Variants in PCDHGA12 observed in about 807,000 individuals in gnomAD.
The protein encoded by PCDHGA12 is protocadherin gamma-A12.
Under a neutral mutation model 61.1 loss-of-function variants are expected in PCDHGA12, and 43 were observed. The ratio of observed to expected loss-of-function variants is 0.70; its 90% CI spans 0.55 to 0.91. The LOEUF is 0.91. Ranked by LOEUF, PCDHGA12 falls within the 40% of genes least tolerant of loss-of-function variation. The pLI is 0.00. For synonymous variants in PCDHGA12, 520 were observed against 542.9 expected (o/e 0.96, Z 0.59); for missense variants, 1,236 against 1,227.7 (o/e 1.01, Z -0.10).
Position 141,432,736 on chromosome 5 carries a change from G to T in PCDHGA12, c.1977G>T (p.Thr659=). Residue 659 remains threonine (T), a synonymous_variant, in exon 1 of 4, where the codon ACG becomes ACT. Transcript: ENST00000252085. The surrounding 1 kb of genome is among the most constrained non-coding windows in gnomAD (Gnocchi z 6.0). ...AGCCCCCTCTCTCCGCCACTGTCACGCTCACCGTGGCCGTGGCCGACAGCA... is the reference window on the plus strand; with the variant it reads ...AGCCCCCTCTCTCCGCCACTGTCACTCTCACCGTGGCCGTGGCCGACAGCA... The part of the protein sequence containing the change: ...HGQPPLSATV[T]LTVAVADSIP... The T allele has an allele frequency of 6.2e-7, 1 of 1,614,058 alleles. No individual in the cohort carries two copies. The highest frequency in any genetic ancestry group is 8.5e-7 in the Non-Finnish European group (1 of 1,179,980).
chr5:141,475,486 T>G (rs576743657), intron 1 of PCDHGA12, among the ~76,000 whole-genome samples: 1 of 152,252 alleles, frequency 6.6e-6, no homozygotes, highest in Non-Finnish European at 1.5e-5. Flanking sequence ...TGGTAAGAGA[T>G]AAAACTGAAA....
rs575738328 is a variant in PCDHGA12, at chr5:141,433,123, C to G, written c.2364C>G (p.Ser788Arg). The G allele has an allele frequency of 3.7e-6, 6 of 1,614,116 alleles. No homozygotes were observed. Among genetic ancestry groups the G allele is most frequent in the Non-Finnish European group, 5.1e-6 (6 of 1,179,998 alleles). Residue 788 changes from serine to arginine, a missense_variant, in exon 1 of 4, where the codon AGC (serine) becomes AGG (arginine). Ser to Arg is a moderately radical substitution (Grantham distance 110). Transcript: ENST00000252085. ...TCAGCCAGGAGAGCTTTGAAAAAAGCGAGCCCCTTTTGCTGTCAGGTGATT... is the reference window on the plus strand; with the variant it reads ...TCAGCCAGGAGAGCTTTGAAAAAAGGGAGCCCCTTTTGCTGTCAGGTGATT... ...MLVSQESFEK[S>R]EPLLLSGDSV...
At chr5:141,481,607 C>A (rs2099540195) in intron 1 of PCDHGA12, among the ~76,000 whole-genome samples, 1 of 152,158 alleles carries the variant, frequency 6.6e-6, no homozygotes, top group Admixed American at 6.5e-5. Flanking sequence ...CACCTGAGGC[C>A]AGGAGTTCAA....
At chr5:141,466,180 A>AT (rs922532578) in intron 1 of PCDHGA12, among the ~76,000 whole-genome samples, 11 of 151,256 alleles carry the variant, frequency 7.3e-5, no homozygotes, top group South Asian at 2.1e-4. Context: ...TTTTATTTTT[A>AT]TTTTTTTTCA....
intron 1 of PCDHGA12, among the ~76,000 whole-genome samples, chr5:141,457,319 G>A (rs914658873): frequency 7.9e-5 from 12 of 152,086 alleles, no homozygotes; most frequent in East Asian, 3.8e-4. Flanking sequence ...AGAAACCTCC[G>A]GGTTACAGGT....
At chr5:141,446,461 A>G (rs1273508266) in intron 1 of PCDHGA12, among the ~76,000 whole-genome samples, 1 of 151,298 alleles carries the variant, frequency 6.6e-6, no homozygotes, top group Non-Finnish European at 1.5e-5. Flanking sequence ...TCAGTGTGTG[A>G]TTAGACATAT....
chr5:141,492,546 G>A (rs2154587552), intron 1 of PCDHGA12, among the ~76,000 whole-genome samples: 1 of 152,336 alleles, frequency 6.6e-6, no homozygotes, highest in East Asian at 1.9e-4. Flanking sequence ...GCTGGGCCGG[G>A]TCGCCTGGGG....
intron 1 of PCDHGA12, among the ~76,000 whole-genome samples, chr5:141,468,216 T>C (rs2099160325): frequency 6.6e-6 from 1 of 150,794 alleles, no homozygotes. Flanking sequence ...TTCCAGCTAC[T>C]TGGGAGGATG....
At chr5:141,483,487 A>G (rs777951096) in intron 1 of PCDHGA12, among the ~76,000 whole-genome samples, 4 of 152,006 alleles carry the variant, frequency 2.6e-5, no homozygotes, top group Non-Finnish European at 5.9e-5. Context: ...AGTGAGGGAC[A>G]GGGATGAGTC....
At chr5:141,461,178 G>A (rs2154567263) in intron 1 of PCDHGA12, among the ~76,000 whole-genome samples, 1 of 152,144 alleles carries the variant, frequency 6.6e-6, no homozygotes, top group East Asian at 1.9e-4. Context: ...TGGATTGAAT[G>A]GTAGATCTGT....
chr5:141,469,756 A>G (rs2099210350), intron 1 of PCDHGA12, among the ~76,000 whole-genome samples: 1 of 152,252 alleles, frequency 6.6e-6, no homozygotes. Context: ...ACAAAAATAC[A>G]TATATACCAG....
intron 1 of PCDHGA12, 91 bp from the exon 2 acceptor site, chr5:141,494,716 C>T (rs1448674271): frequency 3.7e-6 from 6 of 1,604,970 alleles, no homozygotes; most frequent in East Asian, 4.5e-5. Flanking sequence ...TGCCCACTCC[C>T]CTCCTTCTCT....
Position 141,489,352 on chromosome 5 carries a change from G to A in PCDHGA12, c.2425-5455G>A, listed in dbSNP as rs1336068787. 1.9e-6 allele frequency: 3 copies of A among 1,612,152 alleles called. No homozygotes were observed. In the Admixed American group the frequency reaches 5.0e-5, roughly 27 times the overall value. On this transcript the variant is annotated intron_variant, in intron 1 of 3. Transcript: ENST00000252085. The surrounding 1 kb of genome is among the most constrained non-coding windows in gnomAD (Gnocchi z 4.5). ...GCAGCTTCGTTACTCAGTGGTGGAG[G>A]AGTCTGAGCCGGGGACGCTGGTGGG...
chr5:141,486,416 C>T lies in PCDHGA12; in HGVS notation c.2425-8391C>T, dbSNP rs2154580601. The T allele has an allele frequency of 6.2e-7, 1 of 1,614,152 alleles. No individual in the cohort carries two copies. The highest frequency in any genetic ancestry group is 8.5e-7 in the Non-Finnish European group (1 of 1,180,016). On this transcript the variant is annotated intron_variant, in intron 1 of 3. Coordinates refer to ENST00000252085, the MANE Select transcript of PCDHGA12 (RefSeq NM_003735.3). This position sits in a 1 kb window ranked among gnomAD's most constrained non-coding sequence, Gnocchi z 5.0. ...CCTGGTGACTGCTGGACCCTTGGAT[C>T]GAGAGGCCAAATCTAGCTATGACAT...
At chr5:141,481,982 G>A (rs1378873905) in intron 1 of PCDHGA12, among the ~76,000 whole-genome samples, 2 of 151,628 alleles carry the variant, frequency 1.3e-5, no homozygotes, top group African/African-American at 2.4e-5. Context: ...CTACTTGGGA[G>A]GTTGAAGCAG....
At chr5:141,510,040 G>A (rs2099879305) in intron 3 of PCDHGA12, among the ~76,000 whole-genome samples, 1 of 152,220 alleles carries the variant, frequency 6.6e-6, no homozygotes, top group Non-Finnish European at 1.5e-5. Flanking sequence ...GTTATGTAGA[G>A]GTTAAAAGTG....
intron 1 of PCDHGA12, among the ~76,000 whole-genome samples, chr5:141,435,478 C>A (rs1279447863): frequency 6.6e-6 from 1 of 152,146 alleles, no homozygotes; most frequent in Non-Finnish European, 1.5e-5. Flanking sequence ...TTAGACATTT[C>A]TTTTGCCCAT....
Position 141,489,999 on chromosome 5 carries a change from GA to G in PCDHGA12, c.2425-4806del. On this transcript the variant is annotated intron_variant, in intron 1 of 3. Transcript: ENST00000252085. The surrounding 1 kb of genome is among the most constrained non-coding windows in gnomAD (Gnocchi z 4.5). ...CAGTTCTACGTGTGGGAATCCCAGA[GA>G]ATGCACCCATTGGTACTCTGCTGCT... 1 of 1,614,242 alleles carries G rather than the reference GA, an allele frequency of 6.2e-7. No individual in the cohort carries two copies. Among genetic ancestry groups the G allele is most frequent in the Non-Finnish European group, 8.5e-7 (1 of 1,180,032 alleles).
At chr5:141,435,052 T>C (rs922871138) in intron 1 of PCDHGA12, among the ~76,000 whole-genome samples, 1 of 152,174 alleles carries the variant, frequency 6.6e-6, no homozygotes, top group African/African-American at 2.4e-5. Context: ...CCATTGACCA[T>C]GCAGCAGTTT....
Sources: allele counts gnomAD v4.1 joint callset (sites outside exome capture counted in the v4.1 genomes callset), GRCh38; gene constraint gnomAD v4.1.1; non-coding constraint Gnocchi (gnomAD v3.1); transcripts MANE v1.5; gene names NCBI Gene and HGNC (gene_info 2026-07-23, HGNC 2026-07-21).